Variants in TANC1 observed in about 807,000 individuals in gnomAD.
The protein encoded by TANC1 is tetratricopeptide repeat, ankyrin repeat and coiled-coil containing 1, also known as protein TANC1.
Under a neutral mutation model 149.7 loss-of-function variants are expected in TANC1, and 77 were observed. The ratio of observed to expected loss-of-function variants is 0.51; its 90% confidence interval spans 0.43 to 0.62. The LOEUF (loss-of-function observed/expected upper bound fraction) is 0.62, where lower values mean the gene tolerates loss of function less well. Among genes scored for constraint, TANC1 ranks in the 20% least tolerant of loss-of-function variants. The pLI is 0.00. For missense variants in TANC1, 1,985 were observed against 2,321.8 expected, an observed-to-expected ratio of 0.85 and a Z score of 2.98; for synonymous variants, 854 against 925.0, an observed-to-expected ratio of 0.92 and a Z score of 1.39.
Position 159,229,972 on chromosome 2 carries a change from G to C in TANC1, c.4546G>C (p.Glu1516Gln). ...GGCAGGAATCGGCAAGTCCCTGAGA[G>C]AGCCTGTGGCCCAGCCAGGGCTGCT... The part of the protein sequence containing the change: ...SRAGIGKSLR[E>Q]PVAQPGLLLQ... Residue 1516 changes from glutamate to glutamine, a missense_variant, in exon 27 of 27, where the codon GAG (glutamate) becomes CAG (glutamine). Transcript: ENST00000263635. The C allele has an allele frequency of 6.2e-7, 1 of 1,614,058 alleles. No homozygotes were observed. The highest frequency in any genetic ancestry group is 8.5e-7 in the Non-Finnish European group (1 of 1,180,050).
chr2:158,969,982 G>A (rs1290225216), intron 1 of TANC1, among the ~76,000 whole-genome samples: 1 of 152,206 alleles, frequency 6.6e-6, no homozygotes, highest in African/African-American at 2.4e-5. Flanking sequence ...AGGTTACAAG[G>A]TAAATGGAAG....
At chr2:159,147,775 CT>C (rs2150301236) in intron 5 of TANC1, 1 of 152,362 alleles carries the variant, frequency 6.6e-6, no homozygotes, top group Admixed American at 6.5e-5. Flanking sequence ...GCAAACCATT[CT>C]TCCTACTCCA....
At chr2:159,090,945 C>T (rs1303765450) in intron 3 of TANC1, among the ~76,000 whole-genome samples, 2 of 152,054 alleles carry the variant, frequency 1.3e-5, no homozygotes, top group East Asian at 3.9e-4. Context: ...CTGGGTACCT[C>T]CCAAAAGGAG....
chr2:159,230,055 C>A lies in TANC1; in HGVS notation c.4629C>A (p.Gly1543=). 1.2e-6 allele frequency: 2 copies of A among 1,614,060 alleles called. No homozygotes were observed. Among genetic ancestry groups the A allele is most frequent in the Non-Finnish European group, 1.7e-6 (2 of 1,180,048 alleles). ...IVKTSQHLGS[G]QSAVRNGSMK... The stretch of plus-strand genomic sequence containing the variant: ...AAACCAGCCAGCACCTGGGCTCTGG[C>A]CAGTCGGCAGTGAGAAATGGCAGTA... Residue 1543 remains glycine, a synonymous_variant, in exon 27 of 27, where the codon GGC becomes GGA. Transcript: ENST00000263635. The surrounding 1 kb of genome is among the most constrained non-coding windows in gnomAD (Gnocchi z 4.4).
intron 5 of TANC1, chr2:159,147,947 T>G (rs1214989487): frequency 6.6e-6 from 1 of 152,238 alleles, no homozygotes; most frequent in Admixed American, 6.5e-5. Context: ...AAAGCTCTGC[T>G]TATTTTGATT....
At chr2:159,086,318 G>A (rs904732727) in intron 3 of TANC1, among the ~76,000 whole-genome samples, 3 of 152,096 alleles carry the variant, frequency 2.0e-5, no homozygotes, top group African/African-American at 7.2e-5. Context: ...AGCACCTAGG[G>A]TGAGGCACTA....
intron 8 of TANC1, among the ~76,000 whole-genome samples, chr2:159,163,826 G>A (rs2054295989): frequency 1.4e-5 from 1 of 71,618 alleles, no homozygotes; most frequent in South Asian, 3.9e-4. Context: ...CTCTCCTCTC[G>A]GTTTTTGTTT....
rs576271030 is a variant in TANC1, at chr2:158,996,440, T to G, written c.-125-4640T>G. ...TATGTTAAATAAATGCCATACTTTTTGCTGTATAACTTGATATTTTTGTAC... is the reference window on the plus strand; with the variant it reads ...TATGTTAAATAAATGCCATACTTTTGGCTGTATAACTTGATATTTTTGTAC... On this transcript the variant is annotated intron_variant, in intron 1 of 26. Coordinates refer to ENST00000263635, the MANE Select transcript of TANC1 (RefSeq NM_033394.3). Among the ~76,000 whole-genome samples, 12 of 152,384 alleles carry G rather than the reference T, an allele frequency of 7.9e-5. No individual in the cohort carries two copies. In the East Asian group the frequency reaches 2.3e-3, roughly 29 times the overall value.
At chr2:159,057,794 TG>T (rs1204650304) in intron 2 of TANC1, among the ~76,000 whole-genome samples, 5 of 152,210 alleles carry the variant, frequency 3.3e-5, no homozygotes, top group African/African-American at 1.2e-4. Context: ...TAAAATAAGA[TG>T]AAGAAGGCTT....
At chr2:159,150,874 C>T (rs2052721200) in intron 7 of TANC1, 1 of 244,664 alleles carries the variant, frequency 4.1e-6, no homozygotes, top group South Asian at 8.1e-5. Context: ...GCATCAGGTC[C>T]CACTGGGGCA....
chr2:159,083,935 T>A lies in TANC1; in HGVS notation c.62-13702T>A, dbSNP rs527295381. Among the ~76,000 whole-genome samples the A allele has an allele frequency of 2.6e-5, 4 of 152,008 alleles. No homozygotes were observed. In the South Asian group the frequency reaches 8.3e-4, roughly 32 times the overall value. On this transcript the variant is annotated intron_variant, in intron 3 of 26. Coordinates refer to ENST00000263635, the MANE Select transcript of TANC1 (RefSeq NM_033394.3). ...GATAAAGTAAACAAAATATACAAGA[T>A]GCATACAAATAAGATATAGAAAAAT...
intron 9 of TANC1, among the ~76,000 whole-genome samples, 188 bp from the exon 10 acceptor site, chr2:159,170,327 TGGTCCAATA>T (rs1171522066): frequency 1.3e-5 from 2 of 152,252 alleles, no homozygotes; most frequent in Admixed American, 6.5e-5. Context: ...AGTTTCCTAT[TGGTCCAATA>T]GGTCCAATAG....
At chr2:159,142,528 T>C (rs1241113068) in intron 5 of TANC1, among the ~76,000 whole-genome samples, 1 of 152,200 alleles carries the variant, frequency 6.6e-6, no homozygotes, top group East Asian at 1.9e-4. Context: ...AGACCCATCT[T>C]TTTAATATTC....
At chr2:159,125,073 T>A (rs2049275106) in intron 4 of TANC1, among the ~76,000 whole-genome samples, 2 of 152,122 alleles carry the variant, frequency 1.3e-5, no homozygotes, top group South Asian at 2.1e-4. Flanking sequence ...ACATTGTAAT[T>A]ACTACCAAAA....
At chr2:158,993,295 G>A (rs960297105) in intron 1 of TANC1, among the ~76,000 whole-genome samples, 11 of 152,132 alleles carry the variant, frequency 7.2e-5, no homozygotes, top group African/African-American at 1.2e-4. Context: ...GTGGGATCTC[G>A]TTCTGTCAGG....
At chr2:159,056,717 C>A in intron 2 of TANC1, 1 of 269,792 alleles carries the variant, frequency 3.7e-6, no homozygotes, top group South Asian at 5.1e-5. Context: ...TCTTTTCAGT[C>A]TTACCACACA....
intron 4 of TANC1, among the ~76,000 whole-genome samples, chr2:159,103,727 T>C (rs2046937665): frequency 1.0e-5 from 1 of 96,366 alleles, no homozygotes; most frequent in African/African-American, 2.9e-5. Context: ...CAGGCCTCTT[T>C]GCAGATGTGC....
intron 2 of TANC1, among the ~76,000 whole-genome samples, chr2:159,015,075 C>A (rs1462206792): frequency 6.6e-6 from 1 of 152,184 alleles, no homozygotes; most frequent in African/African-American, 2.4e-5. Context: ...GGGCTCTGAC[C>A]CCACATTTCC....
At chr2:159,128,621 G>A (rs538895902) in intron 4 of TANC1, among the ~76,000 whole-genome samples, 12 of 152,224 alleles carry the variant, frequency 7.9e-5, no homozygotes, top group African/African-American at 1.9e-4. Context: ...CCCCCGAGCC[G>A]TGCCTCAACT....
Sources: allele counts gnomAD v4.1 joint callset (sites outside exome capture counted in the v4.1 genomes callset), GRCh38; gene constraint gnomAD v4.1.1; non-coding constraint Gnocchi (gnomAD v3.1); transcripts MANE v1.5; gene names NCBI Gene and HGNC (gene_info 2026-07-23, HGNC 2026-07-21).